NRXN3: variants seen among roughly 807,000 people sequenced by gnomAD.
The protein encoded by NRXN3 is neurexin III.
NRXN3 carries 32 observed loss-of-function variants against 137.6 expected under a neutral mutation model. That is an observed-to-expected ratio of 0.23 (90% CI 0.18 to 0.31). The LOEUF (loss-of-function observed/expected upper bound fraction) is 0.31, where lower values mean the gene tolerates loss of function less well. Ranked by LOEUF, NRXN3 falls within the 10% of genes least tolerant of loss-of-function variation. The pLI, the probability that NRXN3 is intolerant of heterozygous loss-of-function variation, is 1.00. For missense variants in NRXN3, 1,574 were observed against 2,062.5 expected (o/e 0.76, Z 4.59); for synonymous variants, 798 against 784.5 (o/e 1.02, Z -0.29).
intron 15 of NRXN3, among the ~76,000 whole-genome samples, chr14:79,140,322 A>G (rs2058670971): frequency 6.6e-6 from 1 of 152,104 alleles, no homozygotes; most frequent in Non-Finnish European, 1.5e-5. Context: ...TTACATACCT[A>G]CGTTTGAGAG....
At chr14:79,474,915 T>C (rs1431548522) in intron 16 of NRXN3, among the ~76,000 whole-genome samples, 1 of 151,894 alleles carries the variant, frequency 6.6e-6, no homozygotes, top group Non-Finnish European at 1.5e-5. Context: ...CCACCACCAA[T>C]AGAAGTAGTA....
chr14:79,866,112 CTT>C lies in NRXN3; in HGVS notation c.*4149_*4150del, dbSNP rs1403489120. 6 of 152,138 alleles carry C rather than the reference CTT, an allele frequency of 3.9e-5. No individual in the cohort carries two copies. The highest frequency in any genetic ancestry group is 1.4e-4 in the African/African-American group (6 of 41,432). 9.4% of individuals were successfully genotyped at this position (152,138 alleles called of 1,614,324 possible). A position where few individuals can be genotyped will look rare whatever the true frequency, so the allele number is the denominator to read the frequency against. ...AGAAGGATTTTAAGCCTTTTTGTCT[CTT>C]GTATAAATCTATACAGGTCCAGTCT... On this transcript the variant is annotated 3_prime_UTR_variant, in exon 21 of 21. Transcript: ENST00000335750.
intron 10 of NRXN3, among the ~76,000 whole-genome samples, chr14:78,950,708 C>T (rs1456342343): frequency 6.6e-6 from 1 of 152,106 alleles, no homozygotes; most frequent in Non-Finnish European, 1.5e-5. Context: ...CAAATAGCAA[C>T]ACCCAACAAT....
chr14:78,909,266 C>A (rs1225545605), intron 10 of NRXN3, among the ~76,000 whole-genome samples: 25 of 152,104 alleles, frequency 1.6e-4, no homozygotes, highest in Non-Finnish European at 2.4e-4. Context: ...ACAATCAAAG[C>A]AATGGCTACC....
chr14:79,347,804 C>T (rs2092972941), intron 15 of NRXN3, among the ~76,000 whole-genome samples: 1 of 152,176 alleles, frequency 6.6e-6, no homozygotes, highest in Admixed American at 6.5e-5. Flanking sequence ...AACTCATACA[C>T]ACTAAAAATA....
intron 19 of NRXN3, among the ~76,000 whole-genome samples, chr14:79,737,730 CTTTT>C (rs559480106): frequency 6.9e-6 from 1 of 144,404 alleles, no homozygotes; most frequent in African/African-American, 2.5e-5. Flanking sequence ...TTCTTTCTTT[CTTTT>C]TTTTTTTTAA....
At chr14:78,812,243 C>G (rs927670989) in intron 10 of NRXN3, among the ~76,000 whole-genome samples, 1 of 152,010 alleles carries the variant, frequency 6.6e-6, no homozygotes, top group African/African-American at 2.4e-5. Context: ...ATAAATATGC[C>G]TTTTTTGGAC....
chr14:79,381,545 T>C (rs568961830), intron 15 of NRXN3, among the ~76,000 whole-genome samples: 1 of 152,280 alleles, frequency 6.6e-6, no homozygotes, highest in South Asian at 2.1e-4. Flanking sequence ...ACCCCGGCTG[T>C]TCTCTCAGTA....
chr14:78,683,415 G>A (rs1229568750), intron 6 of NRXN3, among the ~76,000 whole-genome samples: 6 of 152,166 alleles, frequency 3.9e-5, no homozygotes, highest in Non-Finnish European at 5.9e-5. Context: ...TTTGTCTAAC[G>A]TTTGAGTTAC....
At chr14:79,275,737 G>A (rs914187490) in intron 15 of NRXN3, among the ~76,000 whole-genome samples, 4 of 151,484 alleles carry the variant, frequency 2.6e-5, no homozygotes, top group South Asian at 2.1e-4. Flanking sequence ...AGGATGGGGG[G>A]GGGGACATTT....
intron 5 of NRXN3, among the ~76,000 whole-genome samples, chr14:78,646,449 C>A (rs2097688686): frequency 6.6e-6 from 1 of 152,170 alleles, no homozygotes; most frequent in African/African-American, 2.4e-5. Context: ...TTCTGAAGTG[C>A]TTATCAAAAA....
At chr14:79,442,767 T>C (rs959370274) in intron 15 of NRXN3, among the ~76,000 whole-genome samples, 1 of 152,208 alleles carries the variant, frequency 6.6e-6, no homozygotes, top group Admixed American at 6.5e-5. Context: ...TTTAGTTATT[T>C]TATTGTTCTG....
chr14:79,742,172 C>T (rs1458511622), intron 19 of NRXN3, among the ~76,000 whole-genome samples: 1 of 148,878 alleles, frequency 6.7e-6, no homozygotes, highest in Non-Finnish European at 1.5e-5. Context: ...ACATTCCTAT[C>T]ATTGTTAGAA....
At chr14:78,503,555 T>C (rs555106672) in intron 4 of NRXN3, among the ~76,000 whole-genome samples, 1 of 152,148 alleles carries the variant, frequency 6.6e-6, no homozygotes, top group East Asian at 1.9e-4. Flanking sequence ...AGGCATGAGG[T>C]CAGGGCAAGG....
At chr14:79,067,584 C>CT in intron 15 of NRXN3, among the ~76,000 whole-genome samples, 1 of 152,032 alleles carries the variant, frequency 6.6e-6, no homozygotes, top group Non-Finnish European at 1.5e-5. Flanking sequence ...AGCTGTGAAT[C>CT]TATCTGGTCC....
At chr14:79,338,056 C>T (rs1241164364) in intron 15 of NRXN3, among the ~76,000 whole-genome samples, 1 of 152,038 alleles carries the variant, frequency 6.6e-6, no homozygotes, top group Non-Finnish European at 1.5e-5. Flanking sequence ...CATGGAAGTC[C>T]TTTTACCCAG....
chr14:78,597,531 G>A (rs1224899542), intron 4 of NRXN3, among the ~76,000 whole-genome samples: 1 of 152,076 alleles, frequency 6.6e-6, no homozygotes, highest in Non-Finnish European at 1.5e-5. Flanking sequence ...ATATAGCAAG[G>A]ACCTTGGAGG....
chr14:79,040,364 T>C (rs1223547987), intron 15 of NRXN3, among the ~76,000 whole-genome samples: 1 of 152,152 alleles, frequency 6.6e-6, no homozygotes, highest in African/African-American at 2.4e-5. Flanking sequence ...GAAAAGTTTG[T>C]TACATGTTCT....
intron 4 of NRXN3, among the ~76,000 whole-genome samples, chr14:78,468,895 T>A (rs114691180): frequency 0.021 from 3,166 of 152,146 alleles, 99 homozygotes; most frequent in African/African-American, 0.073. Context: ...GAGTCAAAGA[T>A]GGCTTTGAGG....
Sources: gnomAD v4.1 joint callset for allele counts (sites outside exome capture counted in the v4.1 genomes callset) on GRCh38, gnomAD v4.1.1 for gene constraint, MANE v1.5 for transcripts, NCBI Gene and HGNC (gene_info 2026-07-23, HGNC 2026-07-21) for gene names.